The following ZFAT variants were observed in gnomAD, a reference collection of about 807,000 sequenced individuals.
ZFAT encodes zinc finger protein ZFAT.
In ZFAT, 64 loss-of-function variants were observed where a neutral mutation model predicts 117.7. The observed-to-expected ratio is 0.54, with a 90% confidence interval of 0.44 to 0.67. The LOEUF is 0.67. Among genes scored for constraint, ZFAT ranks in the 30% least tolerant of loss-of-function variants. ZFAT has a pLI of 0.00. For synonymous variants in ZFAT, 679 were observed against 615.0 expected (o/e 1.10, Z -1.54); for missense variants, 1,433 against 1,584.5 (o/e 0.90, Z 1.62).
chr8:134,810,582 T>G, the ZFAT span, among the ~76,000 whole-genome samples: 2 of 152,206 alleles, frequency 1.3e-5, no homozygotes, highest in African/African-American at 4.8e-5. Context: ...AGGCCACACC[T>G]GTTCCTTCAA....
intron 11 of ZFAT, among the ~76,000 whole-genome samples, chr8:134,542,541 A>G (rs1352577947): frequency 6.6e-6 from 1 of 152,188 alleles, no homozygotes; most frequent in Non-Finnish European, 1.5e-5. Context: ...AAGTGACAAT[A>G]TGTGGTATCA....
chr8:134,666,631 A>T (rs191260234), intron 1 of ZFAT, among the ~76,000 whole-genome samples: 6 of 152,342 alleles, frequency 3.9e-5, no homozygotes, highest in African/African-American at 1.4e-4. Flanking sequence ...AAACCCAAAT[A>T]AAAATTTTAC....
At chr8:134,644,151 T>C (rs1586878591) in intron 2 of ZFAT, among the ~76,000 whole-genome samples, 1 of 152,210 alleles carries the variant, frequency 6.6e-6, no homozygotes, top group Middle Eastern at 3.4e-3. Flanking sequence ...ATTCACCAGC[T>C]AGGGGGCCAG....
chr8:134,586,950 G>A (rs1003809285), intron 9 of ZFAT, among the ~76,000 whole-genome samples: 1 of 152,208 alleles, frequency 6.6e-6, no homozygotes, highest in Non-Finnish European at 1.5e-5. Flanking sequence ...TGCCTTTAAG[G>A]TTGTTGAGAA....
At chr8:134,622,353 A>C (rs73367198) in intron 3 of ZFAT, among the ~76,000 whole-genome samples, 9,836 of 152,224 alleles carry the variant, frequency 0.065, 1,087 homozygotes, top group African/African-American at 0.22. Context: ...TGGAAAAGAC[A>C]GCATTTGAAA....
intron 1 of ZFAT, among the ~76,000 whole-genome samples, chr8:134,683,360 C>T (rs1261836763): frequency 6.6e-6 from 1 of 152,150 alleles, no homozygotes. Context: ...TGATGAATCG[C>T]AAGGAGCTTA....
chr8:134,481,978 C>A (rs1160096840), intron 15 of ZFAT, among the ~76,000 whole-genome samples: 6 of 152,140 alleles, frequency 3.9e-5, no homozygotes, highest in Non-Finnish European at 8.8e-5. Flanking sequence ...TGGGCAGAGT[C>A]CCATTTTCAC....
chr8:134,639,238 C>T (rs28439704), intron 2 of ZFAT, among the ~76,000 whole-genome samples: 2,911 of 152,310 alleles, frequency 0.019, 110 homozygotes, highest in African/African-American at 0.067. Flanking sequence ...ACAAAGAAGC[C>T]TGCCTTGGTA....
chr8:134,583,138 C>T (rs1825823934), intron 10 of ZFAT, among the ~76,000 whole-genome samples: 1 of 152,034 alleles, frequency 6.6e-6, no homozygotes, highest in South Asian at 2.1e-4. Context: ...ATGCCCTGCT[C>T]CCAGGGCTCC....
intron 1 of ZFAT, among the ~76,000 whole-genome samples, chr8:134,691,532 TGAG>T (rs956000732): frequency 3.6e-4 from 55 of 152,340 alleles, no homozygotes; most frequent in African/African-American, 1.2e-3. Context: ...TTTTGCAAGG[TGAG>T]GAGGACGGGT....
chr8:134,681,177 G>A (rs910880106), intron 1 of ZFAT, among the ~76,000 whole-genome samples: 2 of 152,162 alleles, frequency 1.3e-5, no homozygotes, highest in African/African-American at 2.4e-5. Context: ...CTGCTGGGAG[G>A]GAAGTTTGGG....
chr8:134,480,275 C>T (rs1817207796), intron 15 of ZFAT, among the ~76,000 whole-genome samples: 1 of 152,304 alleles, frequency 6.6e-6, no homozygotes, highest in South Asian at 2.1e-4. Flanking sequence ...ACCACACTTT[C>T]TTAAATACCT....
chr8:134,808,567 CAG>C, the ZFAT span, among the ~76,000 whole-genome samples: 1 of 152,176 alleles, frequency 6.6e-6, no homozygotes, highest in Non-Finnish European at 1.5e-5. Context: ...GCAAGAGTCA[CAG>C]GGAATGGTAA....
the ZFAT span, among the ~76,000 whole-genome samples, chr8:134,726,547 T>C: frequency 6.6e-6 from 1 of 152,112 alleles, no homozygotes; most frequent in Admixed American, 6.5e-5. Context: ...AAGTCCTGAG[T>C]CCAACTCCTG....
chr8:134,672,431 T>C (rs1586929080), intron 1 of ZFAT, among the ~76,000 whole-genome samples: 1 of 152,098 alleles, frequency 6.6e-6, no homozygotes, highest in Admixed American at 6.6e-5. Context: ...GGTGGAAGGA[T>C]AGCATTAGGA....
At chr8:134,764,537 T>C in the ZFAT span, among the ~76,000 whole-genome samples, 1 of 152,226 alleles carries the variant, frequency 6.6e-6, no homozygotes, top group Non-Finnish European at 1.5e-5. Flanking sequence ...GAAAATAAAT[T>C]AGATAAACGT....
At chr8:134,587,759 C>T (rs1376946555) in intron 9 of ZFAT, among the ~76,000 whole-genome samples, 3 of 152,230 alleles carry the variant, frequency 2.0e-5, no homozygotes, top group Admixed American at 1.3e-4. Context: ...TCTCCATTCC[C>T]TCATCTCCAT....
the ZFAT span, among the ~76,000 whole-genome samples, chr8:134,760,989 A>G: frequency 6.6e-6 from 1 of 152,218 alleles, no homozygotes; most frequent in African/African-American, 2.4e-5. Flanking sequence ...ATGGATGAGC[A>G]GACACCGGAA....
At position 134,601,497 on chromosome 8, in the gene ZFAT, T is replaced by C. The variant is rs1196623576; in HGVS notation, c.2222A>G (p.Asp741Gly). Reference sequence around the variant, plus strand: ...CTTACCACAGTATTCACACTCCAGGTCTCCATAAACCTTCCGGATCCGCTC... The same window carrying C: ...CTTACCACAGTATTCACACTCCAGGCCTCCATAAACCTTCCGGATCCGCTC... ...LCERIRKVYG[D>G]LECEYCGKLF... The change falls in exon 6 of 16, where the codon GAC becomes GGC. Residue 741 changes from aspartate (D) to glycine (G), a missense_variant. This residue lies in a region of ZFAT where 372 missense variants were observed against 355.6 expected (regional missense o/e 1.05). Coordinates refer to ENST00000377838, the MANE Select transcript of ZFAT (RefSeq NM_020863.4). 1 of 1,612,726 alleles carries C rather than the reference T, an allele frequency of 6.2e-7. No individual in the cohort carries two copies. Among genetic ancestry groups the C allele is most frequent in the Admixed American group, 1.7e-5 (1 of 59,968 alleles).
Sources: allele counts gnomAD v4.1 joint callset (sites outside exome capture counted in the v4.1 genomes callset), GRCh38; gene constraint gnomAD v4.1.1; regional missense constraint gnomAD v4.1.1; transcripts MANE v1.5; gene names NCBI Gene and HGNC (gene_info 2026-07-23, HGNC 2026-07-21).